ACACA: variants seen among roughly 807,000 people sequenced by gnomAD.
ACACA encodes the protein acetyl-CoA carboxylase alpha, also known as acetyl-CoA carboxylase 1.
A neutral mutation model predicts 296.1 loss-of-function variants in ACACA; 103 were observed. The observed-to-expected ratio is 0.35, with a 90% confidence interval of 0.30 to 0.41. The LOEUF (loss-of-function observed/expected upper bound fraction) is 0.41. Among genes scored for constraint, ACACA ranks in the 10% least tolerant of loss-of-function variants. The probability of loss-of-function intolerance (pLI) is 1.00; values close to 1 mark genes in which losing one functional copy is unlikely to be tolerated. For synonymous variants in ACACA, 953 were observed against 1,038.6 expected (o/e 0.92, Z 1.58); for missense variants, 1,554 against 2,989.7 (o/e 0.52, Z 11.20).
intron 52 of ACACA, among the ~76,000 whole-genome samples, chr17:37,107,495 T>C (rs2073756212): frequency 6.6e-6 from 1 of 152,196 alleles, no homozygotes; most frequent in Non-Finnish European, 1.5e-5. Context: ...CAATGCTCCA[T>C]ATCTGCACCT....
chr17:37,358,291 G>A (rs763604140), intron 1 of ACACA, among the ~76,000 whole-genome samples: 1 of 152,252 alleles, frequency 6.6e-6, no homozygotes, highest in Middle Eastern at 3.4e-3. Flanking sequence ...GGACCTTCAC[G>A]CACATTTTCC....
At chr17:37,293,539 CTTTT>C (rs58534025) in intron 3 of ACACA, among the ~76,000 whole-genome samples, 3 of 124,608 alleles carry the variant, frequency 2.4e-5, no homozygotes, top group African/African-American at 6.0e-5. Flanking sequence ...AATTTTAGGA[CTTTT>C]TTTTTTTTTT....
chr17:37,377,463 C>A (rs1022810062), intron 1 of ACACA, among the ~76,000 whole-genome samples: 1 of 151,880 alleles, frequency 6.6e-6, no homozygotes, highest in African/African-American at 2.4e-5. Flanking sequence ...AGTTTGAGAC[C>A]AGCATAGCCA....
chr17:37,128,331 A>T (rs1597903500), intron 47 of ACACA, among the ~76,000 whole-genome samples: 1 of 152,200 alleles, frequency 6.6e-6, no homozygotes, highest in East Asian at 1.9e-4. Flanking sequence ...AGAGGTCGTA[A>T]GTGCAAAAAA....
intron 5 of ACACA, among the ~76,000 whole-genome samples, chr17:37,282,284 C>G (rs956874954): frequency 6.6e-6 from 1 of 152,142 alleles, no homozygotes; most frequent in East Asian, 1.9e-4. Flanking sequence ...GCCTACTCCC[C>G]CTTCATCTTC....
intron 1 of ACACA, chr17:37,379,108 A>C: frequency 6.3e-7 from 1 of 1,592,720 alleles, no homozygotes; most frequent in Non-Finnish European, 8.5e-7. Context: ...AACCAGCTCC[A>C]TTTTTCTATC....
At chr17:37,320,452 A>T (rs993530220) in intron 3 of ACACA, among the ~76,000 whole-genome samples, 1 of 151,098 alleles carries the variant, frequency 6.6e-6, no homozygotes, top group Non-Finnish European at 1.5e-5. Context: ...CAGAGGTTGC[A>T]GTGAGCCGAG....
At chr17:37,105,638 G>A (rs2073633995) in intron 52 of ACACA, among the ~76,000 whole-genome samples, 1 of 152,064 alleles carries the variant, frequency 6.6e-6, no homozygotes, top group Non-Finnish European at 1.5e-5. Flanking sequence ...GCCGAGGCGG[G>A]CGGATCACCT....
chr17:37,224,991 C>T lies in ACACA; in HGVS notation c.3474+1G>A. 1 of 1,282,862 alleles carries T rather than the reference C, an allele frequency of 7.8e-7. No homozygotes were observed. The highest frequency in any genetic ancestry group is 1.6e-5 in the African/African-American group (1 of 64,122). 79.5% of individuals were successfully genotyped at this position (1,282,862 alleles called of 1,614,324 possible). A position where few individuals can be genotyped will look rare whatever the true frequency, so the allele number is the denominator to read the frequency against. ...TTATATATATATATATATATATATACCTGCAGGTTCTCAATGCAAAATTGA... is the reference window on the plus strand; with the variant it reads ...TTATATATATATATATATATATATATCTGCAGGTTCTCAATGCAAAATTGA... On this transcript the variant is annotated splice_donor_variant, in intron 27 of 55. Coordinates refer to ENST00000616317, the MANE Select transcript of ACACA (RefSeq NM_198834.3). LOFTEE classifies it high-confidence loss of function.
intron 1 of ACACA, among the ~76,000 whole-genome samples, chr17:37,351,777 T>G (rs1271796126): frequency 6.6e-6 from 1 of 152,176 alleles, no homozygotes; most frequent in Non-Finnish European, 1.5e-5. Context: ...GGTCTTGTAC[T>G]GCTGGCCTCA....
intron 3 of ACACA, among the ~76,000 whole-genome samples, chr17:37,325,257 T>C (rs2147165959): frequency 6.6e-6 from 1 of 150,870 alleles, no homozygotes; most frequent in East Asian, 2.0e-4. Flanking sequence ...TCGCAGCTAC[T>C]TGGGAGGCTA....
At chr17:37,266,732 T>C (rs1483133289) in intron 10 of ACACA, among the ~76,000 whole-genome samples, 2 of 152,200 alleles carry the variant, frequency 1.3e-5, no homozygotes, top group Admixed American at 1.3e-4. Context: ...ACCTCTCTTT[T>C]ACAGTTTTTT....
chr17:37,102,145 G>A lies in ACACA; in HGVS notation c.6566-4161C>T, dbSNP rs73982226. Among the ~76,000 whole-genome samples, 434 of 151,362 alleles carry A rather than the reference G, an allele frequency of 2.9e-3. 2 individuals carry two copies. Among genetic ancestry groups the A allele is most frequent in the African/African-American group, 0.01 (421 of 41,194 alleles). ...TTATGCCAGGGTGTCTATTTTACAG[G>A]TAAGAAAACCACAGCTCTGAAATGT... is the stretch of plus-strand genomic sequence containing the variant. On this transcript the variant is annotated intron_variant, in intron 52 of 55. Coordinates refer to ENST00000616317, the MANE Select transcript of ACACA (RefSeq NM_198834.3).
intron 26 of ACACA, chr17:37,225,397 T>C (rs913501356): frequency 2.7e-6 from 1 of 363,778 alleles, no homozygotes; most frequent in Non-Finnish European, 5.2e-6. Flanking sequence ...GTATGTGATT[T>C]ACCATTGCAA....
chr17:37,256,479 G>A (rs2081234022), intron 14 of ACACA, among the ~76,000 whole-genome samples: 2 of 152,198 alleles, frequency 1.3e-5, no homozygotes, highest in Non-Finnish European at 2.9e-5. Flanking sequence ...GGGTGCAGCG[G>A]CTCATGCCTA....
chr17:37,131,930 C>T lies in ACACA; in HGVS notation c.5680-1712G>A, dbSNP rs542742603. On this transcript the variant is annotated intron_variant, in intron 45 of 55. Transcript: ENST00000616317. The stretch of plus-strand genomic sequence containing the variant: ...GAAGGAGCCTCGTGAAGAGGGAAGA[C>T]GGTATCTGACCACTGAGCTCCCATC... Among the ~76,000 whole-genome samples, 208 of 152,328 alleles carry T rather than the reference C, an allele frequency of 1.4e-3. 1 individual carries two copies. Among genetic ancestry groups the T allele is most frequent in the African/African-American group, 4.8e-3 (201 of 41,576 alleles).
chr17:37,210,734 A>T (rs1293488233), intron 29 of ACACA, among the ~76,000 whole-genome samples: 2 of 141,730 alleles, frequency 1.4e-5, no homozygotes, highest in African/African-American at 2.7e-5. Flanking sequence ...CATGGATTTT[A>T]AAAATAGCTC....
intron 30 of ACACA, among the ~76,000 whole-genome samples, chr17:37,209,777 G>T (rs1202834711): frequency 6.6e-6 from 1 of 152,190 alleles, no homozygotes; most frequent in African/African-American, 2.4e-5. Flanking sequence ...ATTCCAATCA[G>T]AATTGTTATC....
intron 35 of ACACA, among the ~76,000 whole-genome samples, chr17:37,193,693 T>A (rs1416354113): frequency 2.0e-5 from 3 of 152,100 alleles, no homozygotes; most frequent in Admixed American, 6.6e-5. Context: ...ATCTCCCAAG[T>A]GAAAAAAATT....
Sources: gnomAD v4.1 joint callset for allele counts (sites outside exome capture counted in the v4.1 genomes callset) on GRCh38, gnomAD v4.1.1 for gene constraint, MANE v1.5 for transcripts, NCBI Gene and HGNC (gene_info 2026-07-23, HGNC 2026-07-21) for gene names.